RYR3: variants seen among roughly 807,000 people sequenced by gnomAD.
The protein encoded by RYR3 is brain ryanodine receptor-calcium release channel.
In RYR3, 207 loss-of-function variants were observed where a neutral mutation model predicts 584.3. The ratio of observed to expected loss-of-function variants is 0.35; its 90% CI spans 0.32 to 0.40. The LOEUF (loss-of-function observed/expected upper bound fraction) is 0.40, where lower values mean the gene tolerates loss of function less well. Among genes scored for constraint, RYR3 ranks in the 10% least tolerant of loss-of-function variants. The pLI is 1.00. For missense variants in RYR3, 5,616 were observed against 6,089.2 expected, an observed-to-expected ratio of 0.92 and a Z score of 2.59; for synonymous variants, 2,416 against 2,248.5, an observed-to-expected ratio of 1.07 and a Z score of -2.11.
At chr15:33,527,524 C>T (rs930189320) in intron 3 of RYR3, among the ~76,000 whole-genome samples, 1 of 149,252 alleles carries the variant, frequency 6.7e-6, no homozygotes, top group South Asian at 2.1e-4. Context: ...GCAGAGGTTG[C>T]AGTGAGCCGA....
In RYR3 at chr15:33,788,406, A is replaced by G; in HGVS notation, c.9778A>G (p.Arg3260Gly). ...CCTGGACGAGTTCGCGGTCCTCTGC[A>G]GAGATCTCTATGCCTTCTACCCCAT... ...LILDEFAVLCRDLYAFYPMLI... is the reference protein window; with the variant it reads ...LILDEFAVLCGDLYAFYPMLI... The change falls in exon 67 of 104, where the codon AGA becomes GGA. Residue 3260 changes from arginine (R) to glycine (G), a missense_variant. Arg to Gly is a moderately radical substitution (Grantham distance 125). Around this residue, in one of 9 missense-constraint regions of RYR3, gnomAD observed 954 missense variants for 1,132.2 expected, o/e 0.84. Transcript: ENST00000634891. 6.2e-7 allele frequency: 1 copy of G among 1,613,982 alleles called. No individual in the cohort carries two copies. The highest frequency in any genetic ancestry group is 8.5e-7 in the Non-Finnish European group (1 of 1,179,844).
At chr15:33,425,808 A>ATT (rs528877547) in intron 1 of RYR3, among the ~76,000 whole-genome samples, 1 of 149,526 alleles carries the variant, frequency 6.7e-6, no homozygotes, top group East Asian at 2.0e-4. Flanking sequence ...CACCCGGCTA[A>ATT]TTTTTTTGTA....
intron 1 of RYR3, among the ~76,000 whole-genome samples, chr15:33,469,329 T>C (rs1369942225): frequency 6.6e-6 from 1 of 152,124 alleles, no homozygotes; most frequent in African/African-American, 2.4e-5. Flanking sequence ...TTTGGAAATG[T>C]GGAAACCTCA....
chr15:33,624,036 T>C lies in RYR3; in HGVS notation c.2574+13T>C. 6.3e-7 allele frequency: 1 copy of C among 1,597,548 alleles called. No individual in the cohort carries two copies. The highest frequency in any genetic ancestry group is 8.6e-7 in the Non-Finnish European group (1 of 1,165,918). ...AGACACCAGTCAGGTAGGTTCAAAT[T>C]GCCCGCAGAAGGCAACCAATATAGA... On this transcript the variant is annotated intron_variant, in intron 20 of 103. Coordinates refer to ENST00000634891, the MANE Select transcript of RYR3 (RefSeq NM_001036.6).
At chr15:33,584,056 A>AAAAC (rs999787075) in intron 14 of RYR3, among the ~76,000 whole-genome samples, 10 of 151,890 alleles carry the variant, frequency 6.6e-5, no homozygotes, top group Admixed American at 5.3e-4. Flanking sequence ...TCCATCTCAA[A>AAAAC]AAACAAACAA....
intron 1 of RYR3, among the ~76,000 whole-genome samples, chr15:33,348,797 C>T (rs1972811171): frequency 1.3e-5 from 2 of 152,042 alleles, no homozygotes; most frequent in African/African-American, 2.4e-5. Flanking sequence ...AAAAAAATTG[C>T]ATGCATTAAG....
At chr15:33,820,705 C>A (rs1036007) in intron 77 of RYR3, 51 bp from the exon 78 acceptor site, 971,806 of 1,474,788 alleles carry the variant, frequency 0.66, 323,487 homozygotes, top group African/African-American at 0.81. Context: ...TATTAGATTT[C>A]CCTTTAATTT....
chr15:33,492,856 C>A lies in RYR3; in HGVS notation c.172-10775C>A, dbSNP rs530130890. ...CTTAACAATGCTTTTCTCAGTGTTC[C>A]GCTTCCTGTCATGCAATGAAAAGGC... On this transcript the variant is annotated intron_variant, in intron 2 of 103. Coordinates refer to ENST00000634891, the MANE Select transcript of RYR3 (RefSeq NM_001036.6). Among the ~76,000 whole-genome samples, 2 of 152,078 alleles carry A rather than the reference C, an allele frequency of 1.3e-5. 1 individual carries two copies. Among genetic ancestry groups the A allele is most frequent in the Non-Finnish European group, 2.9e-5 (2 of 68,016 alleles).
intron 3 of RYR3, among the ~76,000 whole-genome samples, chr15:33,506,033 T>C (rs934980828): frequency 2.0e-5 from 3 of 152,234 alleles, no homozygotes; most frequent in Non-Finnish European, 4.4e-5. Context: ...AAAGGACTTC[T>C]TTTTCTTTAT....
intron 1 of RYR3, among the ~76,000 whole-genome samples, chr15:33,440,958 C>T (rs1376006113): frequency 2.0e-5 from 3 of 152,222 alleles, no homozygotes; most frequent in African/African-American, 4.8e-5. Flanking sequence ...AAGACTCTCA[C>T]TGGCTCTTTC....
chr15:33,724,519 T>C (rs1244071434), intron 45 of RYR3, among the ~76,000 whole-genome samples: 3 of 152,174 alleles, frequency 2.0e-5, no homozygotes, highest in South Asian at 2.1e-4. Context: ...GGATGCTCCA[T>C]GTAGAAGATC....
chr15:33,782,150 G>A lies in RYR3; in HGVS notation c.9268+1809G>A, dbSNP rs116308515. Among the ~76,000 whole-genome samples the A allele has an allele frequency of 5.9e-3, 898 of 151,806 alleles. 10 individuals are homozygous for A. The highest frequency in any genetic ancestry group is 0.021 in the African/African-American group (871 of 41,336). On this transcript the variant is annotated intron_variant, in intron 65 of 103. Coordinates refer to ENST00000634891, the MANE Select transcript of RYR3 (RefSeq NM_001036.6). ...AGCACTGTGTAGAGCTTCACCTGGG[G>A]AAAGAGAGAAACTGCCTCTGCTCTT...
In RYR3 at chr15:33,731,076, C is replaced by A. The variant is rs535895256; in HGVS notation, c.7204-398C>A. Among the ~76,000 whole-genome samples, 34 of 152,200 alleles carry A rather than the reference C, an allele frequency of 2.2e-4. No individual in the cohort carries two copies. The South Asian group carries it at 6.8e-3, about 31-fold the overall frequency. ...GTCCCTGGTAGGTGAGAAAAGAGAGCGAAAACCAGAATAGTAATGTAGTAT... is the reference window on the plus strand; with the variant it reads ...GTCCCTGGTAGGTGAGAAAAGAGAGAGAAAACCAGAATAGTAATGTAGTAT... On this transcript the variant is annotated intron_variant, in intron 47 of 103. Transcript: ENST00000634891.
rs2062090320 is a variant in RYR3, at chr15:33,646,139, ATC to A, written c.3766-208_3766-207del. On this transcript the variant is annotated intron_variant, in intron 28 of 103. Transcript: ENST00000634891. ...GAGAACCCAGTGAGCATGTTTTTAAATCTCTAATTTCCCTAGCCAGGAGCAGA... is the reference window on the plus strand; with the variant it reads ...GAGAACCCAGTGAGCATGTTTTTAAATCTAATTTCCCTAGCCAGGAGCAGA... The A allele has an allele frequency of 8.7e-6, 4 of 460,716 alleles. No individual in the cohort carries two copies. The South Asian group carries it at 2.0e-4, about 23-fold the overall frequency. The allele number at this position is 460,716 out of a possible 1,614,324, so 28.5% of individuals were successfully genotyped here.
chr15:33,457,423 A>G (rs1410949517), intron 1 of RYR3, among the ~76,000 whole-genome samples: 1 of 152,242 alleles, frequency 6.6e-6, no homozygotes, highest in Non-Finnish European at 1.5e-5. Flanking sequence ...TAAAGAATAA[A>G]GTCCTGTCAT....
At chr15:33,617,550 C>T (rs182655259) in intron 19 of RYR3, among the ~76,000 whole-genome samples, 3 of 152,136 alleles carry the variant, frequency 2.0e-5, no homozygotes, top group African/African-American at 7.2e-5. Context: ...GATTCTTTTT[C>T]TCCCATCATA....
intron 1 of RYR3, among the ~76,000 whole-genome samples, chr15:33,364,810 G>T (rs1975256293): frequency 6.6e-6 from 1 of 152,172 alleles, no homozygotes; most frequent in Non-Finnish European, 1.5e-5. Flanking sequence ...TTAGATTTGG[G>T]CAAGGCAGGC....
At chr15:33,407,232 T>G (rs1355623000) in intron 1 of RYR3, among the ~76,000 whole-genome samples, 2 of 152,218 alleles carry the variant, frequency 1.3e-5, no homozygotes, top group African/African-American at 4.8e-5. Context: ...ACCACCACTG[T>G]GGGGATCAAG....
intron 99 of RYR3, 195 bp downstream of exon 99, chr15:33,858,109 A>G: frequency 1.4e-6 from 1 of 738,414 alleles, no homozygotes; most frequent in Non-Finnish European, 2.1e-6. Flanking sequence ...GAAGTGATGG[A>G]GGTAGTTTTC....
Sources: gnomAD v4.1 joint callset for allele counts (sites outside exome capture counted in the v4.1 genomes callset) on GRCh38, gnomAD v4.1.1 for gene constraint, gnomAD v4.1.1 regional missense constraint, MANE v1.5 for transcripts, NCBI Gene and HGNC (gene_info 2026-07-23, HGNC 2026-07-21) for gene names.